TRPM3: variants seen among roughly 807,000 people sequenced by gnomAD.
TRPM3 encodes the protein transient receptor potential cation channel subfamily M member 3.
Under a neutral mutation model 181.2 loss-of-function variants are expected in TRPM3, and 77 were observed. The ratio of observed to expected loss-of-function variants is 0.42; its 90% CI spans 0.35 to 0.51. The LOEUF (loss-of-function observed/expected upper bound fraction) is 0.51, where lower values mean the gene tolerates loss of function less well. TRPM3 is among the 20% of genes least tolerant of loss of function. TRPM3 has a pLI of 0.01. For missense variants in TRPM3, 1,759 were observed against 2,196.7 expected (o/e 0.80, Z 3.98); for synonymous variants, 745 against 796.4 (o/e 0.94, Z 1.09).
intron 1 of TRPM3, among the ~76,000 whole-genome samples, chr9:71,351,203 G>A (rs1162923186): frequency 6.6e-6 from 1 of 152,202 alleles, no homozygotes; most frequent in African/African-American, 2.4e-5. Flanking sequence ...GAGCTATAAA[G>A]TATTGGGTTA....
intron 1 of TRPM3, among the ~76,000 whole-genome samples, chr9:71,320,057 GGTTGGGGTAGGGAGTT>G (rs563097500): frequency 2.6e-5 from 4 of 152,050 alleles, no homozygotes; most frequent in Admixed American, 6.6e-5. Flanking sequence ...TATGAGTAAG[GGTTGGGGTAGGGAGTT>G]GTTGGGGTAG....
chr9:70,832,307 T>C (rs2093990196), intron 5 of TRPM3, among the ~76,000 whole-genome samples: 3 of 151,974 alleles, frequency 2.0e-5, no homozygotes, highest in Admixed American at 1.3e-4. Flanking sequence ...AAAAAAATAG[T>C]AGTATGTATA....
At chr9:71,118,270 A>G (rs1489387242) in intron 1 of TRPM3, among the ~76,000 whole-genome samples, 2 of 152,176 alleles carry the variant, frequency 1.3e-5, no homozygotes, top group Admixed American at 6.5e-5. Context: ...GTGTGTTGGC[A>G]TGTTCAAAAA....
rs142146446 is a variant in TRPM3 at position 70,960,902 on chromosome 9, T to C, written c.178-96391A>G. ...TTCAATGATTTTGTGCTGTGTAGGA[T>C]CAACTTCAAAGCCCATCACTGAAAG... On this transcript the variant is annotated intron_variant, in intron 1 of 25. Transcript: ENST00000677713. Among the ~76,000 whole-genome samples, 17 of 152,276 alleles carry C rather than the reference T, an allele frequency of 1.1e-4. No homozygotes were observed. In the East Asian group the frequency reaches 3.3e-3, roughly 29 times the overall value.
chr9:70,956,459 C>A (rs551488365), intron 1 of TRPM3, among the ~76,000 whole-genome samples: 2 of 151,980 alleles, frequency 1.3e-5, no homozygotes, highest in South Asian at 4.2e-4. Context: ...GCTCTTAAAG[C>A]AAAGGTAAAG....
At position 71,054,561 on chromosome 9, in the gene TRPM3, G is replaced by T. The variant is rs561116446; in HGVS notation, c.177+66617C>A. On this transcript the variant is annotated intron_variant, in intron 1 of 25. Coordinates refer to ENST00000677713, the MANE Select transcript of TRPM3 (RefSeq NM_001366145.2). Reference sequence around the variant, plus strand: ...CTTTTGTTTTTACTTTCATTGTCTGGTTTATCTGAAATGACCTGTTTCATC... The same window carrying T: ...CTTTTGTTTTTACTTTCATTGTCTGTTTTATCTGAAATGACCTGTTTCATC... Among the ~76,000 whole-genome samples, 102 of 152,168 alleles carry T rather than the reference G, an allele frequency of 6.7e-4. 2 individuals are homozygous for T. The South Asian group carries it at 0.02, about 29-fold the overall frequency.
At chr9:70,841,644 AT>A (rs1188526567) in intron 5 of TRPM3, among the ~76,000 whole-genome samples, 22 of 131,504 alleles carry the variant, frequency 1.7e-4, no homozygotes, top group Admixed American at 8.2e-4. Flanking sequence ...ATATATATAT[AT>A]ATATATATAT....
At chr9:71,026,228 C>A (rs930740717) in intron 1 of TRPM3, among the ~76,000 whole-genome samples, 1 of 152,170 alleles carries the variant, frequency 6.6e-6, no homozygotes, top group Admixed American at 6.5e-5. Flanking sequence ...GTCCTGCACT[C>A]TGCAGGGCAG....
At chr9:71,156,345 AT>A (rs2075997355) in intron 1 of TRPM3, among the ~76,000 whole-genome samples, 1 of 148,144 alleles carries the variant, frequency 6.8e-6, no homozygotes, top group Non-Finnish European at 1.5e-5. Flanking sequence ...CACCTATCTT[AT>A]TGTTCATTAG....
chr9:71,429,570 T>C lies in TRPM3; in HGVS notation c.183+17083A>G, dbSNP rs144798235. Among the ~76,000 whole-genome samples the C allele has an allele frequency of 6.9e-3, 1,044 of 152,322 alleles. 16 individuals carry two copies. The highest frequency in any genetic ancestry group is 0.023 in the African/African-American group (966 of 41,586). On this transcript the variant is annotated intron_variant, in intron 1 of 24. Transcript: ENST00000357533. Reference sequence around the variant, plus strand: ...GCCCTGTGTAGTTGGAATCTGCAAATACACAGCTTCCAGTATCCTAAAGGC... The same window carrying C: ...GCCCTGTGTAGTTGGAATCTGCAAACACACAGCTTCCAGTATCCTAAAGGC...
At chr9:70,632,544 T>C (rs1231203055) in intron 12 of TRPM3, among the ~76,000 whole-genome samples, 1 of 152,242 alleles carries the variant, frequency 6.6e-6, no homozygotes, top group Non-Finnish European at 1.5e-5. Context: ...TTTCTGTGTC[T>C]CCCTGTCTTA....
chr9:71,023,367 G>A (rs1470270101), intron 1 of TRPM3, among the ~76,000 whole-genome samples: 8 of 152,080 alleles, frequency 5.3e-5, no homozygotes, highest in Non-Finnish European at 1.0e-4. Flanking sequence ...GAGAAAAACC[G>A]GGATTCATTG....
chr9:71,012,211 G>T (rs894650857), intron 1 of TRPM3, among the ~76,000 whole-genome samples: 5 of 152,204 alleles, frequency 3.3e-5, no homozygotes, highest in African/African-American at 1.2e-4. Context: ...AATAGGTATT[G>T]TGTTTTCCCA....
intron 25 of TRPM3, among the ~76,000 whole-genome samples, chr9:70,538,669 T>A (rs2042430478): frequency 6.6e-6 from 1 of 151,576 alleles, no homozygotes; most frequent in Non-Finnish European, 1.5e-5. Flanking sequence ...CTCAAGTGCT[T>A]CTCGTGCCTC....
chr9:71,105,841 A>G (rs914000756), intron 1 of TRPM3, among the ~76,000 whole-genome samples: 1 of 152,192 alleles, frequency 6.6e-6, no homozygotes, highest in African/African-American at 2.4e-5. Context: ...GAAATCTGAC[A>G]GTGGTTACCT....
rs1489253813 is a variant in TRPM3 at position 70,850,618 on chromosome 9, AAAT to A, written c.463-4030_463-4028del. 7.9e-5 allele frequency among the ~76,000 whole-genome samples: 12 copies of A among 152,280 alleles called. No individual in the cohort carries two copies. The East Asian group carries it at 2.3e-3, about 29-fold the overall frequency. On this transcript the variant is annotated intron_variant, in intron 3 of 25. Transcript: ENST00000677713. ...AGTAAAGTGGTTTAAGATAAAGATG[AAAT>A]AATAACATTTTTTCTGTGCCTGTAC...
chr9:70,546,242 G>T (rs1416057852), intron 25 of TRPM3, among the ~76,000 whole-genome samples: 1 of 152,162 alleles, frequency 6.6e-6, no homozygotes, highest in Non-Finnish European at 1.5e-5. Context: ...TTAAAGTATG[G>T]TTCCCAGACA....
intron 1 of TRPM3, among the ~76,000 whole-genome samples, chr9:71,368,907 A>T (rs1346006200): frequency 1.3e-5 from 2 of 152,236 alleles, no homozygotes; most frequent in African/African-American, 4.8e-5. Context: ...TGTGACGAAT[A>T]TAAAAATCCC....
intron 9 of TRPM3, among the ~76,000 whole-genome samples, chr9:70,671,073 G>A (rs563708520): frequency 6.6e-6 from 1 of 152,210 alleles, no homozygotes; most frequent in South Asian, 2.1e-4. Context: ...AAACAGGTGT[G>A]GTCCTTATTT....
Sources: gnomAD v4.1 joint callset for allele counts (sites outside exome capture counted in the v4.1 genomes callset) on GRCh38, gnomAD v4.1.1 for gene constraint, MANE v1.5 for transcripts, NCBI Gene and HGNC (gene_info 2026-07-23, HGNC 2026-07-21) for gene names.